Variants in LNX1 observed in about 807,000 individuals in gnomAD.
LNX1 encodes E3 ubiquitin-protein ligase LNX.
Under a neutral mutation model 68.4 loss-of-function variants are expected in LNX1, and 54 were observed. The ratio of observed to expected loss-of-function variants is 0.79; its 90% CI spans 0.63 to 0.99. LNX1 has a LOEUF of 0.99. Ranked by LOEUF, LNX1 falls within the 50% of genes least tolerant of loss-of-function variation. LNX1 has a pLI of 0.00. For missense variants in LNX1, 906 were observed against 926.4 expected, an observed-to-expected ratio of 0.98 and a Z score of 0.29; for synonymous variants, 336 against 350.0, an observed-to-expected ratio of 0.96 and a Z score of 0.45.
chr4:53,632,279 T>G (rs1423736074), intron 1 of LNX1, among the ~76,000 whole-genome samples: 1 of 152,126 alleles, frequency 6.6e-6, no homozygotes, highest in East Asian at 1.9e-4. Context: ...CCATCCTCCC[T>G]TTTCTCTCAC....
chr4:53,477,415 AG>A (rs1429487588), intron 8 of LNX1, among the ~76,000 whole-genome samples: 2 of 152,214 alleles, frequency 1.3e-5, no homozygotes, highest in Non-Finnish European at 2.9e-5. Flanking sequence ...TTGAATGAAA[AG>A]AAACTACCCA....
intron 1 of LNX1, among the ~76,000 whole-genome samples, chr4:53,586,624 T>TACTATG (rs1732187991): frequency 6.6e-6 from 1 of 152,324 alleles, no homozygotes; most frequent in Non-Finnish European, 1.5e-5. Context: ...GTTAGAAGTG[T>TACTATG]ACTAGTCAGC....
Position 53,478,657 on chromosome 4 carries a change from C to G in LNX1, c.1571G>C (p.Gly524Ala). The G allele has an allele frequency of 6.2e-7, 1 of 1,614,048 alleles. No homozygotes were observed. Among genetic ancestry groups the G allele is most frequent in the Non-Finnish European group, 8.5e-7 (1 of 1,179,980 alleles). ...PGESLGMTVA[G>A]GASHREWDLP... ...ATCCCATTCTCTATGTGATGCTCCC[C>G]CTGCGACGGTCATGCCGAGAGATTC... The change falls in exon 8 of 11, where the codon GGG becomes GCG. Residue 524 changes from glycine to alanine, a missense_variant. Gly to Ala is a moderately conservative substitution (Grantham distance 60, BLOSUM62 0). Coordinates refer to ENST00000263925, the MANE Select transcript of LNX1 (RefSeq NM_001126328.3).
chr4:53,506,555 A>T (rs975163849), intron 4 of LNX1, among the ~76,000 whole-genome samples: 1 of 152,084 alleles, frequency 6.6e-6, no homozygotes, highest in Non-Finnish European at 1.5e-5. Context: ...CTCATCTGTA[A>T]AACAGGAATA....
chr4:53,567,479 G>A (rs1360085873), intron 2 of LNX1, among the ~76,000 whole-genome samples: 2 of 152,146 alleles, frequency 1.3e-5, no homozygotes, highest in Non-Finnish European at 2.9e-5. Context: ...CAGAATCTCT[G>A]GGACGCATGC....
intron 2 of LNX1, among the ~76,000 whole-genome samples, chr4:53,515,783 C>A (rs559205248): frequency 6.6e-6 from 1 of 152,290 alleles, no homozygotes; most frequent in Non-Finnish European, 1.5e-5. Context: ...GGAAAAAGCA[C>A]ATGCTTTCAC....
At chr4:53,579,238 A>G (rs1731679777) in intron 1 of LNX1, 1 of 983,194 alleles carries the variant, frequency 1.0e-6, no homozygotes, top group Middle Eastern at 5.2e-4. Context: ...GAGTGGATTG[A>G]TTCCCTCCTT....
intron 9 of LNX1, among the ~76,000 whole-genome samples, chr4:53,468,623 T>C (rs1306665402): frequency 1.3e-5 from 2 of 151,724 alleles, no homozygotes; most frequent in Non-Finnish European, 2.9e-5. Context: ...ACACATAGGC[T>C]CAAATAAAGG....
At chr4:53,475,216 T>C (rs1579371589) in intron 9 of LNX1, among the ~76,000 whole-genome samples, 2 of 152,376 alleles carry the variant, frequency 1.3e-5, no homozygotes, top group East Asian at 3.9e-4. Context: ...TGAAGGACTT[T>C]GATTACATGA....
At position 53,570,770 on chromosome 4, in the gene LNX1, G is replaced by A. The variant is rs769286338; in HGVS notation, c.380+2853C>T. Among the ~76,000 whole-genome samples the A allele has an allele frequency of 1.5e-3, 226 of 151,780 alleles. 2 individuals are homozygous for A. Among genetic ancestry groups the A allele is most frequent in the Non-Finnish European group, 2.4e-3 (162 of 67,944 alleles). ...TGGCTGGGCGTGGTGGCTCACGCCTGTAATCCCAGCACTTTGGGAGGCTGA... is the reference window on the plus strand; with the variant it reads ...TGGCTGGGCGTGGTGGCTCACGCCTATAATCCCAGCACTTTGGGAGGCTGA... On this transcript the variant is annotated intron_variant, in intron 2 of 10. Transcript: ENST00000263925.
intron 2 of LNX1, among the ~76,000 whole-genome samples, chr4:53,562,265 C>G (rs545009568): frequency 2.6e-5 from 4 of 152,296 alleles, no homozygotes; most frequent in South Asian, 4.1e-4. Flanking sequence ...AGGGGCCCCA[C>G]TACACACTGG....
chr4:53,637,313 A>G lies in LNX1; in HGVS notation c.-215+14855T>C, dbSNP rs1344992463. On this transcript the variant is annotated intron_variant, in intron 1 of 2. Transcript: ENST00000507168. ...TCTCTTTCCAATGACACAAGATTTT[A>G]TGACCCACTAAATGAATCTCTTTGT... is the stretch of plus-strand genomic sequence containing the variant. Among the ~76,000 whole-genome samples the G allele has an allele frequency of 3.9e-5, 6 of 152,096 alleles. No homozygotes were observed. In the East Asian group the frequency reaches 9.7e-4, roughly 24 times the overall value.
chr4:53,603,750 GCCCCCATGATCTAATCACCTC>G (rs1447294261), intron 2 of LNX1: 1 of 152,092 alleles, frequency 6.6e-6, no homozygotes, highest in Non-Finnish European at 1.5e-5. Context: ...TGAGAAATCT[GCCCCCATGATCTAATCACCTC>G]CCACCAGGCC....
At chr4:53,558,850 T>G (rs1393900753) in intron 2 of LNX1, among the ~76,000 whole-genome samples, 8 of 152,152 alleles carry the variant, frequency 5.3e-5, no homozygotes, top group Non-Finnish European at 1.5e-5. Context: ...TAATTATGCC[T>G]TACCTACCTG....
chr4:53,481,964 C>T (rs1270799888), intron 6 of LNX1, 110 bp from the exon 7 acceptor site: 2 of 1,320,054 alleles, frequency 1.5e-6, no homozygotes, highest in African/African-American at 1.5e-5. Context: ...TATGGCAAAA[C>T]ATGATTTCTA....
rs1451260271 is a variant in LNX1 at position 53,591,425 on chromosome 4, C to A, written c.-124G>T. 4.1e-6 allele frequency: 4 copies of A among 985,650 alleles called. No homozygotes were observed. The highest frequency in any genetic ancestry group is 4.8e-6 in the Non-Finnish European group (4 of 830,248). 61.1% of individuals were successfully genotyped at this position (985,650 alleles called of 1,614,324 possible). A position where few individuals can be genotyped will look rare whatever the true frequency, so the allele number is the denominator to read the frequency against. On this transcript the variant is annotated 5_prime_UTR_variant, in exon 1 of 11. Coordinates refer to ENST00000263925, the MANE Select transcript of LNX1 (RefSeq NM_001126328.3). ...CTGTCTGGGGCTCTCCAAGCAGCAG[C>A]AGGCAGGCAGCTCTCATTCCTTGTG...
At chr4:53,551,079 C>T (rs1304832546) in intron 2 of LNX1, among the ~76,000 whole-genome samples, 1 of 152,072 alleles carries the variant, frequency 6.6e-6, no homozygotes, top group Admixed American at 6.5e-5. Context: ...ACCTAGGAGG[C>T]GGTTGGTGGT....
chr4:53,513,616 C>T (rs1193913738), intron 2 of LNX1, among the ~76,000 whole-genome samples: 3 of 152,220 alleles, frequency 2.0e-5, no homozygotes, highest in Admixed American at 1.3e-4. Flanking sequence ...ATCTCAGATT[C>T]ATCCTTGATT....
At chr4:53,526,348 A>G (rs1055099850) in intron 2 of LNX1, among the ~76,000 whole-genome samples, 7 of 152,310 alleles carry the variant, frequency 4.6e-5, no homozygotes, top group Middle Eastern at 3.4e-3. Flanking sequence ...AATCGTTTTC[A>G]TAATCTTGAA....
Sources: gnomAD v4.1 joint callset for allele counts (sites outside exome capture counted in the v4.1 genomes callset) on GRCh38, gnomAD v4.1.1 for gene constraint, MANE v1.5 for transcripts, NCBI Gene and HGNC (gene_info 2026-07-23, HGNC 2026-07-21) for gene names.